Variants in ANKRD27 observed in about 807,000 individuals in gnomAD.
ANKRD27 encodes the protein ankyrin repeat domain-containing protein 27.
ANKRD27 carries 112 observed loss-of-function variants against 129.7 expected under a neutral mutation model. The observed-to-expected ratio is 0.86, with a 90% CI of 0.74 to 1.01. ANKRD27 has a LOEUF of 1.01. Among genes scored for constraint, ANKRD27 ranks in the 50% least tolerant of loss-of-function variants. ANKRD27 has a pLI of 0.00. For missense variants in ANKRD27, 1,258 were observed against 1,300.5 expected (o/e 0.97, Z 0.50); for synonymous variants, 516 against 511.2 (o/e 1.01, Z -0.13).
chr19:32,633,524 A>G (rs1967037691), intron 12 of ANKRD27, among the ~76,000 whole-genome samples: 1 of 151,300 alleles, frequency 6.6e-6, no homozygotes, highest in South Asian at 2.1e-4. Context: ...CGGTCTCGCT[A>G]CATTGCCCAG....
At chr19:32,604,472 C>A in intron 24 of ANKRD27, 48 bp from the exon 25 acceptor site, 1 of 1,543,804 alleles carries the variant, frequency 6.5e-7, no homozygotes. Context: ...GAAACGTCAG[C>A]ATGGAATCTG....
chr19:32,659,793 C>A (rs1026553192), intron 1 of ANKRD27, among the ~76,000 whole-genome samples: 2 of 152,042 alleles, frequency 1.3e-5, no homozygotes, highest in African/African-American at 4.8e-5. Context: ...GCCTGTCATC[C>A]CAGCACTTTG....
intron 3 of ANKRD27, among the ~76,000 whole-genome samples, chr19:32,647,198 C>T (rs1174079583): frequency 6.6e-6 from 1 of 152,216 alleles, no homozygotes; most frequent in Non-Finnish European, 1.5e-5. Flanking sequence ...TTGCCTTTCA[C>T]GACATTGACA....
intron 13 of ANKRD27, among the ~76,000 whole-genome samples, chr19:32,630,005 T>C (rs1476142728): frequency 6.6e-6 from 1 of 152,022 alleles, no homozygotes; most frequent in East Asian, 1.9e-4. Flanking sequence ...CGGGCTCAAG[T>C]GATCCTCCCA....
chr19:32,642,211 A>ACAAC, intron 9 of ANKRD27, 66 bp from the exon 10 acceptor site: 1 of 1,418,312 alleles, frequency 7.1e-7, no homozygotes, highest in South Asian at 1.6e-5. Flanking sequence ...CCTGGATCTA[A>ACAAC]GAACACATCT....
intron 14 of ANKRD27, 138 bp downstream of exon 14, chr19:32,628,584 T>G (rs1234221906): frequency 2.6e-5 from 28 of 1,093,524 alleles, no homozygotes; most frequent in Admixed American, 1.4e-4. Flanking sequence ...GCTGTTATCA[T>G]CTCCACTGTA....
rs1599761034 is a variant in ANKRD27 at position 32,643,434 on chromosome 19, C to T, written c.636G>A (p.Val212=). 6 of 1,613,902 alleles carry T rather than the reference C, an allele frequency of 3.7e-6. No individual in the cohort carries two copies. The highest frequency in any genetic ancestry group is 5.1e-6 in the Non-Finnish European group (6 of 1,180,010). The change falls in exon 7 of 29, where the codon GTG becomes GTA. Residue 212 remains valine (V), a synonymous_variant. Transcript: ENST00000306065. ...AGCCACTCCGCCCCACCCTCACCTC[C>T]ACTGCCTGCTTCATCAGGTTCATCT... is the stretch of plus-strand genomic sequence containing the variant. ...EAQMNLMKQA[V]EIYVHHEIYN... is the part of the protein sequence containing the mutation.
At chr19:32,606,827 G>A (rs1971746843) in intron 23 of ANKRD27, among the ~76,000 whole-genome samples, 1 of 151,422 alleles carries the variant, frequency 6.6e-6, no homozygotes, top group African/African-American at 2.4e-5. Context: ...GCAGGGCCTG[G>A]TGCTGTGGCT....
chr19:32,607,530 T>C (rs1406650990), intron 23 of ANKRD27, 105 bp downstream of exon 23: 2 of 1,346,402 alleles, frequency 1.5e-6, no homozygotes, highest in South Asian at 1.3e-5. Context: ...GGGGGAGCAG[T>C]GTCCTCCAGG....
intron 2 of ANKRD27, among the ~76,000 whole-genome samples, chr19:32,652,969 G>A (rs1967448649): frequency 6.6e-6 from 1 of 152,110 alleles, no homozygotes; most frequent in African/African-American, 2.4e-5. Flanking sequence ...TAAAAGGCAA[G>A]AATCTGCCTG....
chr19:32,643,096 C>A, intron 9 of ANKRD27, 27 bp downstream of exon 9: 1 of 1,612,642 alleles, frequency 6.2e-7, no homozygotes, highest in Non-Finnish European at 8.5e-7. Context: ...TCTGAGGACA[C>A]CAAGCCGCTG....
rs1730782457 is a variant in ANKRD27 at position 32,615,912 on chromosome 19, A to G, written c.2053-132T>C. ...TTCTCCAACCCCACAGCCATTTATAACCGGCTTCTGCTCCCTCATGAAGCC... is the reference window on the plus strand; with the variant it reads ...TTCTCCAACCCCACAGCCATTTATAGCCGGCTTCTGCTCCCTCATGAAGCC... On this transcript the variant is annotated intron_variant, in intron 21 of 28. Transcript: ENST00000306065. 3 of 1,276,200 alleles carry G rather than the reference A, an allele frequency of 2.4e-6. No homozygotes were observed. The Middle Eastern group carries it at 6.3e-4, about 269-fold the overall frequency. 79.1% of individuals were successfully genotyped at this position (1,276,200 alleles called of 1,614,324 possible).
At chr19:32,672,012 C>A (rs2145332532) in intron 1 of ANKRD27, among the ~76,000 whole-genome samples, 1 of 152,242 alleles carries the variant, frequency 6.6e-6, no homozygotes, top group Non-Finnish European at 1.5e-5. Flanking sequence ...TCCTGCTAGC[C>A]CAGATAAGTC....
At chr19:32,663,852 C>T (rs1003144890) in intron 1 of ANKRD27, among the ~76,000 whole-genome samples, 1 of 151,556 alleles carries the variant, frequency 6.6e-6, no homozygotes, top group Non-Finnish European at 1.5e-5. Flanking sequence ...GTCAGGAGAT[C>T]GAGACCATCC....
At chr19:32,669,253 T>TCC (rs1199385569) in intron 1 of ANKRD27, among the ~76,000 whole-genome samples, 2 of 152,184 alleles carry the variant, frequency 1.3e-5, no homozygotes, top group Non-Finnish European at 2.9e-5. Flanking sequence ...CTGTGAGCTC[T>TCC]CCGCCAGTCC....
chr19:32,613,960 G>A (rs1196264261), intron 22 of ANKRD27, among the ~76,000 whole-genome samples: 2 of 152,010 alleles, frequency 1.3e-5, no homozygotes, highest in Admixed American at 1.3e-4. Context: ...CACCTGCCTC[G>A]GCCTCCCAAA....
chr19:32,656,122 G>GAAAAGAAAAGAAAAGAAAAGAAAAA (rs1967531157), intron 2 of ANKRD27, among the ~76,000 whole-genome samples: 1 of 117,546 alleles, frequency 8.5e-6, no homozygotes, highest in Admixed American at 8.8e-5. Flanking sequence ...GAAAAGAAAA[G>GAAAAGAAAAGAAAAGAAAAGAAAAA]AAAAGAAAAG....
Position 32,626,793 on chromosome 19 carries a change from C to T in ANKRD27, c.1455G>A (p.Lys485=), listed in dbSNP as rs773823064. 3 of 1,611,946 alleles carry T rather than the reference C, an allele frequency of 1.9e-6. No individual in the cohort carries two copies. The highest frequency in any genetic ancestry group is 2.2e-5 in the South Asian group (2 of 90,558). ...QASLIDLLVS[K]GAMVNATDYH... is the part of the protein sequence containing the mutation. ...AGTCTGTGGCATTTACCATGGCGCC[C>T]TTGGAAACCAGGAGGTCGATGAGGG... Residue 485 remains lysine (K), a synonymous_variant, in exon 16 of 29, where the codon AAG becomes AAA. Coordinates refer to ENST00000306065, the MANE Select transcript of ANKRD27 (RefSeq NM_032139.3).
At position 32,673,466 on chromosome 19, in the gene ANKRD27, C is replaced by T. The variant is rs543344327; in HGVS notation, c.-31+1605G>A. The T allele has an allele frequency of 9.7e-5, 96 of 985,312 alleles. No homozygotes were observed. The South Asian group carries it at 3.8e-3, about 39-fold the overall frequency. The allele number at this position is 985,312 out of a possible 1,614,324, so 61.0% of individuals were successfully genotyped here. On this transcript the variant is annotated intron_variant, in intron 1 of 28. Coordinates refer to ENST00000306065, the MANE Select transcript of ANKRD27 (RefSeq NM_032139.3). ...TTCCTCAAAGGATTCCCCTGCACTC[C>T]CCACCAGGTGAGCCCTCAACTTCTC...
Sources: gnomAD v4.1 joint callset for allele counts (sites outside exome capture counted in the v4.1 genomes callset) on GRCh38, gnomAD v4.1.1 for gene constraint, MANE v1.5 for transcripts, NCBI Gene and HGNC (gene_info 2026-07-23, HGNC 2026-07-21) for gene names.